PPM1E: variants seen among roughly 807,000 people sequenced by gnomAD.
PPM1E encodes protein phosphatase, Mg2+/Mn2+ dependent 1E.
PPM1E carries 20 observed loss-of-function variants against 65.9 expected under a neutral mutation model. The ratio of observed to expected loss-of-function variants is 0.30; its 90% CI spans 0.21 to 0.44. PPM1E has a LOEUF of 0.44. Among genes scored for constraint, PPM1E ranks in the 20% least tolerant of loss-of-function variants. The pLI is 1.00. For missense variants in PPM1E, 713 were observed against 953.1 expected, an observed-to-expected ratio of 0.75 and a Z score of 3.32; for synonymous variants, 352 against 374.9, an observed-to-expected ratio of 0.94 and a Z score of 0.70.
intron 1 of PPM1E, among the ~76,000 whole-genome samples, chr17:58,847,485 A>G: frequency 6.6e-6 from 1 of 152,220 alleles, no homozygotes; most frequent in Non-Finnish European, 1.5e-5. Context: ...AGCTTTCTAC[A>G]TATGGCTAGC....
At chr17:58,781,890 GAAAAA>G (rs953417596) in intron 1 of PPM1E, among the ~76,000 whole-genome samples, 1 of 145,936 alleles carries the variant, frequency 6.9e-6, no homozygotes, top group African/African-American at 2.5e-5. Flanking sequence ...CGTCTCAAAA[GAAAAA>G]AAAAATAAAA....
At chr17:58,973,793 A>G (rs988629306) in intron 6 of PPM1E, among the ~76,000 whole-genome samples, 12 of 152,032 alleles carry the variant, frequency 7.9e-5, no homozygotes, top group African/African-American at 2.7e-4. Context: ...TCTACTAAAA[A>G]TATAAAAAAT....
At chr17:58,892,335 A>G (rs2143436014) in intron 1 of PPM1E, among the ~76,000 whole-genome samples, 1 of 152,200 alleles carries the variant, frequency 6.6e-6, no homozygotes, top group African/African-American at 2.4e-5. Flanking sequence ...GCAATTTGGG[A>G]GGCTGAAGCA....
At chr17:58,949,652 A>C (rs1330551371) in intron 1 of PPM1E, among the ~76,000 whole-genome samples, 1 of 151,892 alleles carries the variant, frequency 6.6e-6, no homozygotes, top group Non-Finnish European at 1.5e-5. Flanking sequence ...TGTAGTGATA[A>C]GATTATTTAT....
intron 1 of PPM1E, among the ~76,000 whole-genome samples, chr17:58,946,490 C>G (rs2052152829): frequency 1.3e-5 from 2 of 152,228 alleles, no homozygotes; most frequent in Admixed American, 1.3e-4. Context: ...GACAGGGTCT[C>G]TCTGTCTCTC....
chr17:58,829,107 A>G (rs2050572541), intron 1 of PPM1E, among the ~76,000 whole-genome samples: 2 of 151,806 alleles, frequency 1.3e-5, no homozygotes, highest in Non-Finnish European at 2.9e-5. Flanking sequence ...CAATGGCGCA[A>G]TCTCAGCTCA....
chr17:58,832,261 G>A (rs1169497188), intron 1 of PPM1E, among the ~76,000 whole-genome samples: 1 of 152,036 alleles, frequency 6.6e-6, no homozygotes. Context: ...TGAATTAACT[G>A]TTCTTAAAGA....
chr17:58,881,265 A>T (rs905054220), intron 1 of PPM1E, among the ~76,000 whole-genome samples: 6 of 152,228 alleles, frequency 3.9e-5, no homozygotes, highest in Non-Finnish European at 8.8e-5. Flanking sequence ...GCAGTGGCTC[A>T]TCCCTGTAAT....
intron 1 of PPM1E, among the ~76,000 whole-genome samples, chr17:58,813,402 AT>A (rs1189753741): frequency 6.6e-6 from 1 of 152,208 alleles, no homozygotes; most frequent in Admixed American, 6.5e-5. Context: ...GGACTTCCAT[AT>A]TTAGGGAAAG....
chr17:58,833,363 T>C (rs989671099), intron 1 of PPM1E, among the ~76,000 whole-genome samples: 3 of 149,266 alleles, frequency 2.0e-5, no homozygotes, highest in African/African-American at 7.4e-5. Flanking sequence ...AACCCAGTAG[T>C]TTTTCAACAG....
chr17:58,810,352 A>G (rs2050354542), intron 1 of PPM1E, among the ~76,000 whole-genome samples: 1 of 151,980 alleles, frequency 6.6e-6, no homozygotes, highest in South Asian at 2.1e-4. Flanking sequence ...GATTACAGGC[A>G]CGCGCCACCA....
rs1011814751 is a variant in PPM1E, at chr17:58,811,904, C to T, written c.464+55443C>T. On this transcript the variant is annotated intron_variant, in intron 1 of 6. Transcript: ENST00000308249. ...CAGGATGGTCTCGATCTCTTGACCT[C>T]GTGATCCATCCACCTTGGCCTCCCA... 6.6e-5 allele frequency among the ~76,000 whole-genome samples: 10 copies of T among 151,982 alleles called. No homozygotes were observed. The East Asian group carries it at 1.5e-3, about 24-fold the overall frequency.
chr17:58,835,458 T>C (rs536083913), intron 1 of PPM1E, among the ~76,000 whole-genome samples: 1 of 152,314 alleles, frequency 6.6e-6, no homozygotes, highest in South Asian at 2.1e-4. Context: ...TTATTGTAAA[T>C]GTTCTGGGAA....
chr17:58,979,898 G>A, intron 6 of PPM1E, 76 bp from the exon 7 acceptor site: 1 of 1,138,916 alleles, frequency 8.8e-7, no homozygotes, highest in Non-Finnish European at 1.3e-6. Flanking sequence ...TCAGAGTCAT[G>A]GCATTGGTCA....
intron 6 of PPM1E, among the ~76,000 whole-genome samples, chr17:58,974,489 A>G (rs1008313636): frequency 4.6e-5 from 7 of 152,208 alleles, no homozygotes; most frequent in African/African-American, 1.7e-4. Context: ...ACAAAATACA[A>G]GGGTATAAGT....
chr17:58,866,280 C>A (rs2051002638), intron 1 of PPM1E, among the ~76,000 whole-genome samples: 1 of 152,174 alleles, frequency 6.6e-6, no homozygotes, highest in Admixed American at 6.5e-5. Context: ...TTAGACACAG[C>A]TGGAAGGCAG....
rs541121135 is a variant in PPM1E, at chr17:58,924,529, C to T, written c.465-31120C>T. Among the ~76,000 whole-genome samples the T allele has an allele frequency of 2.0e-5, 3 of 152,154 alleles. No individual in the cohort carries two copies. In the South Asian group the frequency reaches 6.2e-4, roughly 32 times the overall value. On this transcript the variant is annotated intron_variant, in intron 1 of 6. Transcript: ENST00000308249. The stretch of plus-strand genomic sequence containing the variant: ...TCACACCACTGCACTCTAACCTGGG[C>T]AACAGAGTTTAGTCCAATAGCATGA...
At chr17:58,793,390 C>G (rs955681242) in intron 1 of PPM1E, among the ~76,000 whole-genome samples, 1 of 151,514 alleles carries the variant, frequency 6.6e-6, no homozygotes, top group African/African-American at 2.4e-5. Flanking sequence ...GAGTCTTGCT[C>G]TGTCACCCAG....
At chr17:58,905,821 A>G (rs2051552097) in intron 1 of PPM1E, among the ~76,000 whole-genome samples, 1 of 152,100 alleles carries the variant, frequency 6.6e-6, no homozygotes, top group Non-Finnish European at 1.5e-5. Context: ...AGGTGTATTA[A>G]TTTTTATTAA....
Sources: allele counts gnomAD v4.1 joint callset (sites outside exome capture counted in the v4.1 genomes callset), GRCh38; gene constraint gnomAD v4.1.1; transcripts MANE v1.5; gene names NCBI Gene and HGNC (gene_info 2026-07-23, HGNC 2026-07-21).